Variants in TNFAIP8 observed in about 807,000 individuals in gnomAD.
TNFAIP8 encodes TNF alpha induced protein 8.
Under a neutral mutation model 13.3 loss-of-function variants are expected in TNFAIP8, and 7 were observed. The ratio of observed to expected loss-of-function variants is 0.52; its 90% confidence interval spans 0.30 to 0.99. The LOEUF is 0.99. Among genes scored for constraint, TNFAIP8 ranks in the 50% least tolerant of loss-of-function variants. The pLI, the probability that TNFAIP8 is intolerant of heterozygous loss-of-function variation, is 0.07. For synonymous variants in TNFAIP8, 94 were observed against 87.6 expected, an observed-to-expected ratio of 1.07 and a Z score of -0.41; for missense variants, 258 against 236.9, an observed-to-expected ratio of 1.09 and a Z score of -0.58.
intron 1 of TNFAIP8, among the ~76,000 whole-genome samples, chr5:119,343,664 CT>C (rs1262917969): frequency 6.6e-6 from 1 of 152,074 alleles, no homozygotes; most frequent in African/African-American, 2.4e-5. Context: ...TTTTAAATAG[CT>C]TATGGAGCTG....
intron 1 of TNFAIP8, among the ~76,000 whole-genome samples, chr5:119,364,912 C>T (rs889007917): frequency 6.9e-5 from 9 of 129,902 alleles, no homozygotes; most frequent in East Asian, 4.5e-4. Context: ...AGTGCAGTGG[C>T]GCCATCTTGG....
At chr5:119,353,823 AT>A (rs1246623169), upstream of TNFAIP8, among the ~76,000 whole-genome samples, 1 of 152,232 alleles carries the variant, frequency 6.6e-6, no homozygotes, top group Non-Finnish European at 1.5e-5. Context: ...AGTGAAAGTA[AT>A]TCTGCTGTAG....
At chr5:119,283,870 C>G (rs1748704720) in intron 1 of TNFAIP8, among the ~76,000 whole-genome samples, 1 of 152,174 alleles carries the variant, frequency 6.6e-6, no homozygotes, top group Non-Finnish European at 1.5e-5. Context: ...GTTAAAAAAA[C>G]AAAACAAAAC....
At chr5:119,317,942 A>G (rs886281146) in intron 1 of TNFAIP8, among the ~76,000 whole-genome samples, 1 of 152,120 alleles carries the variant, frequency 6.6e-6, no homozygotes, top group Non-Finnish European at 1.5e-5. Flanking sequence ...CTTTGGACAC[A>G]TCCACTTTTC....
At chr5:119,355,892 C>T, upstream of TNFAIP8, 2 of 1,216,102 alleles carry the variant, frequency 1.6e-6, no homozygotes, top group Non-Finnish European at 2.1e-6. Flanking sequence ...AGCTGACACG[C>T]GATTCGTCAC....
In TNFAIP8 at chr5:119,393,503, T is replaced by C. The variant is rs1752981790; in HGVS notation, c.*122T>C. The C allele has an allele frequency of 2.1e-6, 2 of 972,608 alleles. No homozygotes were observed. The highest frequency in any genetic ancestry group is 3.0e-6 in the Non-Finnish European group (2 of 668,220). The allele number at this position is 972,608 out of a possible 1,614,324, so 60.2% of individuals were successfully genotyped here. ...ATATTTCAGAAAGACTTTACCCAAT[T>C]CAGTTGTCAGACATAATGATTTATT... On this transcript the variant is annotated 3_prime_UTR_variant, in exon 2 of 2. Coordinates refer to ENST00000504771, the MANE Select transcript of TNFAIP8 (RefSeq NM_014350.4).
At chr5:119,380,661 A>C (rs1752451404) in intron 1 of TNFAIP8, among the ~76,000 whole-genome samples, 1 of 152,276 alleles carries the variant, frequency 6.6e-6, no homozygotes, top group Non-Finnish European at 1.5e-5. Flanking sequence ...ATTTCAAAAG[A>C]CAAAGGATAG....
intron 1 of TNFAIP8, among the ~76,000 whole-genome samples, chr5:119,281,543 G>A (rs535041410): frequency 6.6e-6 from 1 of 151,886 alleles, no homozygotes; most frequent in Non-Finnish European, 1.5e-5. Context: ...CACACAAATC[G>A]TCTCCAAATA....
At chr5:119,346,173 T>A (rs781364100) in intron 1 of TNFAIP8, among the ~76,000 whole-genome samples, 5 of 152,098 alleles carry the variant, frequency 3.3e-5, no homozygotes, top group Non-Finnish European at 1.5e-5. Flanking sequence ...TCTAAGATGC[T>A]AAGGAAAGCT....
Position 119,341,922 on chromosome 5 carries a change from G to C in TNFAIP8, c.2-50894G>C, listed in dbSNP as rs536124429. Among the ~76,000 whole-genome samples the C allele has an allele frequency of 3.0e-4, 45 of 152,290 alleles. 1 individual carries two copies. The highest frequency in any genetic ancestry group is 9.4e-4 in the African/African-American group (39 of 41,576). ...GTCTTCTTGGTCTTAGGCAGGCATG[G>C]GGTTAGTGGCCAGGGCAGAACTGGG... On this transcript the variant is annotated intron_variant, in intron 1 of 1. Transcript: ENST00000274456.
chr5:119,311,079 A>G (rs919266737), intron 1 of TNFAIP8, among the ~76,000 whole-genome samples: 44 of 152,086 alleles, frequency 2.9e-4, no homozygotes, highest in African/African-American at 1.1e-3. Context: ...CTGGAGTGCA[A>G]TGGCATGATT....
At chr5:119,357,532 AAGAG>A (rs569865971) in intron 1 of TNFAIP8, among the ~76,000 whole-genome samples, 1 of 152,122 alleles carries the variant, frequency 6.6e-6, no homozygotes, top group African/African-American at 2.4e-5. Flanking sequence ...TCTTTTGAGA[AAGAG>A]AGAGTGGGAG....
In TNFAIP8 at chr5:119,276,813, G is replaced by C. The variant is rs943529726; in HGVS notation, c.1+7906G>C. On this transcript the variant is annotated intron_variant, in intron 1 of 1. Coordinates refer to the TNFAIP8 transcript ENST00000274456. ...ACTAGAGATCAGGGTTTCAGTATAT[G>C]AATTTGGGTGGTACATTTCAGTCTA... Among the ~76,000 whole-genome samples, 5 of 152,164 alleles carry C rather than the reference G, an allele frequency of 3.3e-5. No homozygotes were observed. The East Asian group carries it at 9.6e-4, about 29-fold the overall frequency.
At chr5:119,295,285 C>G (rs1375983330) in intron 1 of TNFAIP8, among the ~76,000 whole-genome samples, 1 of 147,134 alleles carries the variant, frequency 6.8e-6, no homozygotes, top group Admixed American at 6.7e-5. Context: ...AACGTTTAAT[C>G]CATCTTGAAT....
rs151120119 is a variant in TNFAIP8, at chr5:119,396,414, C to T, written c.*3033C>T. ...GTGGAACTTCACTTCTAGGTGCTCA[C>T]AATGACTTTTAACGTTGACTTCTGA... On this transcript the variant is annotated 3_prime_UTR_variant, in exon 2 of 2. Coordinates refer to ENST00000504771, the MANE Select transcript of TNFAIP8 (RefSeq NM_014350.4). 683 of 152,320 alleles carry T rather than the reference C, an allele frequency of 4.5e-3. 5 individuals carry two copies. The Middle Eastern group carries it at 0.054, about 12-fold the overall frequency. The allele number at this position is 152,320 out of a possible 1,614,324, so 9.4% of individuals were successfully genotyped here.
intron 1 of TNFAIP8, among the ~76,000 whole-genome samples, chr5:119,282,477 C>T (rs939054973): frequency 6.6e-6 from 1 of 152,196 alleles, no homozygotes; most frequent in Non-Finnish European, 1.5e-5. Flanking sequence ...GTGCAGCACC[C>T]ATTGGTTCTG....
rs928802067 is a variant in TNFAIP8 at position 119,370,466 on chromosome 5, A to T, written c.31+14345A>T. ...AGTTAAAAGATAAATAGACTTTATC[A>T]GACTTTGACAGTAAATTAAAGACCC... is the stretch of plus-strand genomic sequence containing the variant. On this transcript the variant is annotated intron_variant, in intron 1 of 1. Coordinates refer to ENST00000504771, the MANE Select transcript of TNFAIP8 (RefSeq NM_014350.4). 3.3e-5 allele frequency among the ~76,000 whole-genome samples: 5 copies of T among 152,388 alleles called. No individual in the cohort carries two copies. The South Asian group carries it at 1.0e-3, about 32-fold the overall frequency.
intron 1 of TNFAIP8, among the ~76,000 whole-genome samples, chr5:119,292,429 T>A (rs1283268823): frequency 6.6e-6 from 1 of 151,816 alleles, no homozygotes; most frequent in Non-Finnish European, 1.5e-5. Flanking sequence ...TCCTTATTTA[T>A]TAAATAAAAC....
intron 1 of TNFAIP8, among the ~76,000 whole-genome samples, chr5:119,271,474 G>A (rs1265722398): frequency 6.6e-6 from 1 of 152,212 alleles, no homozygotes; most frequent in Non-Finnish European, 1.5e-5. Context: ...TCTACCTCAT[G>A]TAGAATGGTC....
Sources: allele counts gnomAD v4.1 joint callset (sites outside exome capture counted in the v4.1 genomes callset), GRCh38; gene constraint gnomAD v4.1.1; transcripts MANE v1.5; gene names NCBI Gene and HGNC (gene_info 2026-07-23, HGNC 2026-07-21).